PDE8B: variants seen among roughly 807,000 people sequenced by gnomAD.
The protein encoded by PDE8B is high affinity cAMP-specific and IBMX-insensitive 3',5'-cyclic phosphodiesterase 8B.
In PDE8B, 26 loss-of-function variants were observed where a neutral mutation model predicts 101.3. The ratio of observed to expected loss-of-function variants is 0.26; its 90% CI spans 0.19 to 0.36. The LOEUF (loss-of-function observed/expected upper bound fraction) is 0.36. PDE8B is among the 10% of genes least tolerant of loss of function. The pLI, the probability that PDE8B is intolerant of heterozygous loss-of-function variation, is 1.00. For synonymous variants in PDE8B, 424 were observed against 429.3 expected (o/e 0.99, Z 0.15); for missense variants, 810 against 1,163.1 (o/e 0.70, Z 4.42).
the PDE8B span, among the ~76,000 whole-genome samples, chr5:77,108,298 A>G: frequency 6.6e-6 from 1 of 152,228 alleles, no homozygotes; most frequent in Non-Finnish European, 1.5e-5. Context: ...CATTCATTTT[A>G]AATTCTATTC....
rs572222274 is a variant in PDE8B at position 77,224,235 on chromosome 5, T to C, written c.339+12971T>C. Among the ~76,000 whole-genome samples the C allele has an allele frequency of 9.8e-4, 149 of 152,304 alleles. 1 individual carries two copies. The highest frequency in any genetic ancestry group is 6.8e-3 in the Middle Eastern group (2 of 294). ...TGACCTCATAGAGTTACTGCAAGGA[T>C]GATATAATCAATATATGTACCATTG... On this transcript the variant is annotated intron_variant, in intron 1 of 21. Coordinates refer to ENST00000264917, the MANE Select transcript of PDE8B (RefSeq NM_003719.5).
chr5:77,329,028 C>T lies in PDE8B; in HGVS notation c.621C>T (p.His207=). Residue 207 remains histidine (H), a synonymous_variant, in exon 4 of 22, where the codon CAC becomes CAT. Coordinates refer to ENST00000264917, the MANE Select transcript of PDE8B (RefSeq NM_003719.5). ...RSIRATNPSE[H]TVILAVVSRV... is the part of the protein sequence containing the mutation. The stretch of plus-strand genomic sequence containing the variant: ...TCCGGGCCACAAATCCCTCCGAGCA[C>T]ACGGTGATCCTCGCAGTGGTTTCGC... The T allele has an allele frequency of 6.2e-7, 1 of 1,614,062 alleles. No homozygotes were observed. The highest frequency in any genetic ancestry group is 8.5e-7 in the Non-Finnish European group (1 of 1,179,940).
intron 1 of PDE8B, among the ~76,000 whole-genome samples, chr5:77,246,279 T>C (rs916050829): frequency 6.6e-6 from 1 of 152,200 alleles, no homozygotes; most frequent in African/African-American, 2.4e-5. Context: ...GATTGTGCCA[T>C]TCTGGCTTGT....
chr5:77,169,121 C>T, the PDE8B span, among the ~76,000 whole-genome samples: 2 of 152,224 alleles, frequency 1.3e-5, no homozygotes, highest in Admixed American at 1.3e-4. Context: ...GATATTTAGA[C>T]ATGGGTGTCA....
chr5:77,362,065 A>G (rs1290028944), intron 10 of PDE8B, among the ~76,000 whole-genome samples: 2 of 152,236 alleles, frequency 1.3e-5, no homozygotes, highest in African/African-American at 4.8e-5. Context: ...TTAAAGGGCC[A>G]GATAGTAAAC....
intron 1 of PDE8B, among the ~76,000 whole-genome samples, chr5:77,243,836 TGTTTTTGTTATTTCTCATGAGGA>T (rs1268791364): frequency 1.3e-5 from 2 of 152,224 alleles, no homozygotes; most frequent in Non-Finnish European, 2.9e-5. Context: ...TGTGGATGTG[TGTTTTTGTTATTTCTCATGAGGA>T]GATACATCAG....
At chr5:77,400,994 T>G (rs1581495534) in intron 11 of PDE8B, among the ~76,000 whole-genome samples, 3 of 152,280 alleles carry the variant, frequency 2.0e-5, no homozygotes, top group Admixed American at 2.0e-4. Context: ...CTAGGCTAAG[T>G]GTTTAGTCTC....
chr5:77,243,503 G>A (rs549996383), intron 1 of PDE8B, among the ~76,000 whole-genome samples: 142 of 152,284 alleles, frequency 9.3e-4, no homozygotes, highest in Non-Finnish European at 1.2e-3. Flanking sequence ...CCTGTTTACA[G>A]TTGAGCCTGC....
the PDE8B span, chr5:77,114,439 CT>C: frequency 6.6e-6 from 1 of 152,112 alleles, no homozygotes; most frequent in Non-Finnish European, 1.5e-5. Flanking sequence ...CATGTTCTCA[CT>C]CATAGGTGGG....
intron 1 of PDE8B, among the ~76,000 whole-genome samples, chr5:77,227,428 G>T (rs1752630920): frequency 6.6e-6 from 1 of 152,058 alleles, no homozygotes; most frequent in Non-Finnish European, 1.5e-5. Context: ...AAAATAATTA[G>T]GTTCCTGGGA....
At chr5:77,411,418 C>G (rs192138571) in intron 14 of PDE8B, among the ~76,000 whole-genome samples, 188 of 152,272 alleles carry the variant, frequency 1.2e-3, no homozygotes, top group African/African-American at 4.2e-3. Context: ...ACAGAGCCAA[C>G]CCACAGCTCA....
the PDE8B span, chr5:77,147,090 G>A: frequency 2.6e-6 from 1 of 387,628 alleles, no homozygotes; most frequent in African/African-American, 2.1e-5. Context: ...AGCAAAAAAG[G>A]GAGTTGTCAC....
chr5:77,164,161 C>T, the PDE8B span, among the ~76,000 whole-genome samples: 12 of 152,244 alleles, frequency 7.9e-5, no homozygotes, highest in African/African-American at 2.9e-4. Flanking sequence ...CACATGCTTC[C>T]TGCCCTTGTA....
intron 17 of PDE8B, among the ~76,000 whole-genome samples, chr5:77,416,621 G>A (rs1795617614): frequency 1.3e-5 from 2 of 152,240 alleles, no homozygotes; most frequent in African/African-American, 4.8e-5. Flanking sequence ...TCACCCCAGG[G>A]TTGCTCACCA....
chr5:77,347,307 TTC>T (rs1780318967), intron 7 of PDE8B, among the ~76,000 whole-genome samples: 2 of 152,200 alleles, frequency 1.3e-5, no homozygotes, highest in Non-Finnish European at 2.9e-5. Context: ...TTGTCCATGG[TTC>T]TGTAGCTGGT....
the PDE8B span, among the ~76,000 whole-genome samples, chr5:77,104,091 T>C: frequency 6.6e-5 from 10 of 152,154 alleles, no homozygotes; most frequent in African/African-American, 2.4e-4. Flanking sequence ...GAAGTACCCT[T>C]CCTTCCCCAC....
chr5:77,237,657 A>G (rs1754969477), intron 1 of PDE8B, among the ~76,000 whole-genome samples: 1 of 152,184 alleles, frequency 6.6e-6, no homozygotes, highest in Admixed American at 6.5e-5. Flanking sequence ...ATAATCTACT[A>G]TAGTTACCCA....
intron 10 of PDE8B, among the ~76,000 whole-genome samples, chr5:77,389,543 T>C (rs1244279025): frequency 6.6e-6 from 1 of 152,158 alleles, no homozygotes; most frequent in Non-Finnish European, 1.5e-5. Flanking sequence ...ATCCCTTCCT[T>C]GAGTTTTGAC....
chr5:77,130,634 A>G, the PDE8B span, among the ~76,000 whole-genome samples: 10 of 151,946 alleles, frequency 6.6e-5, no homozygotes, highest in South Asian at 2.1e-4. Flanking sequence ...TATATGACAC[A>G]TACACCTTAT....
Sources: gnomAD v4.1 joint callset for allele counts (sites outside exome capture counted in the v4.1 genomes callset) on GRCh38, gnomAD v4.1.1 for gene constraint, MANE v1.5 for transcripts, NCBI Gene and HGNC (gene_info 2026-07-23, HGNC 2026-07-21) for gene names.